Variants in RERE observed in about 807,000 individuals in gnomAD.
RERE encodes arginine-glutamic acid dipeptide repeats protein.
In RERE, 40 loss-of-function variants were observed where a neutral mutation model predicts 146.1. The ratio of observed to expected loss-of-function variants is 0.27; its 90% confidence interval spans 0.21 to 0.36. The LOEUF is 0.36. Ranked by LOEUF, RERE falls within the 10% of genes least tolerant of loss-of-function variation. The probability of loss-of-function intolerance (pLI) is 1.00; values close to 1 mark genes in which losing one functional copy is unlikely to be tolerated. For synonymous variants in RERE, 1,003 were observed against 866.0 expected (o/e 1.16, Z -2.78); for missense variants, 1,933 against 2,138.7 (o/e 0.90, Z 1.90).
At chr1:8,603,162 CA>C (rs1646654520) in intron 4 of RERE, among the ~76,000 whole-genome samples, 1 of 152,230 alleles carries the variant, frequency 6.6e-6, no homozygotes, top group South Asian at 2.1e-4. Flanking sequence ...ACATGTTTTA[CA>C]ACTTCATTAA....
In RERE at chr1:8,388,396, T is replaced by C. The variant is rs1021878885; in HGVS notation, c.1285-22422A>G. On this transcript the variant is annotated intron_variant, in intron 12 of 22. Transcript: ENST00000400908. ...CTGCAGTGGCGCAATCTCGGCTCAC[T>C]GCAAGCTCCGCTTCCCGGGTTCACG... is the stretch of plus-strand genomic sequence containing the variant. Among the ~76,000 whole-genome samples, 8 of 151,676 alleles carry C rather than the reference T, an allele frequency of 5.3e-5. No homozygotes were observed. In the East Asian group the frequency reaches 7.8e-4, roughly 15 times the overall value.
At chr1:8,735,293 C>T (rs1295396580) in intron 1 of RERE, among the ~76,000 whole-genome samples, 1 of 152,164 alleles carries the variant, frequency 6.6e-6, no homozygotes, top group Admixed American at 6.5e-5. Context: ...AGCATAAGTG[C>T]ACACAGTTTA....
intron 10 of RERE, among the ~76,000 whole-genome samples, chr1:8,494,434 T>C (rs191537176): frequency 2.0e-5 from 3 of 152,212 alleles, no homozygotes; most frequent in South Asian, 2.1e-4. Context: ...GTGATAATAA[T>C]AGAACCTAGA....
intron 4 of RERE, among the ~76,000 whole-genome samples, chr1:8,561,635 A>G (rs1398968489): frequency 3.3e-5 from 5 of 152,152 alleles, no homozygotes; most frequent in Non-Finnish European, 5.9e-5. Flanking sequence ...GAGAATCTCT[A>G]ATTTTTTCTC....
chr1:8,533,079 T>C (rs932929270), intron 7 of RERE, among the ~76,000 whole-genome samples: 4 of 152,240 alleles, frequency 2.6e-5, no homozygotes, highest in African/African-American at 7.2e-5. Flanking sequence ...AATTATCCAA[T>C]GCAAATTATA....
chr1:8,595,127 T>C (rs1246048588), intron 4 of RERE, among the ~76,000 whole-genome samples: 1 of 148,692 alleles, frequency 6.7e-6, no homozygotes, highest in Non-Finnish European at 1.5e-5. Context: ...CACCACTCAT[T>C]CCAGCCTAGG....
chr1:8,763,811 C>G (rs1053698075), intron 1 of RERE, among the ~76,000 whole-genome samples: 2 of 151,764 alleles, frequency 1.3e-5, no homozygotes, highest in Non-Finnish European at 2.9e-5. Flanking sequence ...TGGTGGCATG[C>G]GCACCTGTAG....
intron 7 of RERE, among the ~76,000 whole-genome samples, chr1:8,523,092 C>G (rs1645524970): frequency 6.6e-6 from 1 of 151,746 alleles, no homozygotes; most frequent in South Asian, 2.1e-4. Flanking sequence ...GCAGGAGAAT[C>G]ACCTTAGCCT....
intron 1 of RERE, among the ~76,000 whole-genome samples, chr1:8,695,859 A>G (rs116625426): frequency 0.028 from 4,229 of 152,268 alleles, 74 homozygotes; most frequent in Middle Eastern, 0.078. Context: ...CCCAGAATCT[A>G]TAAGGAACTT....
chr1:8,789,000 A>AG (rs1295840118), intron 1 of RERE, among the ~76,000 whole-genome samples: 1 of 151,860 alleles, frequency 6.6e-6, no homozygotes, highest in African/African-American at 2.4e-5. Context: ...GAAGCAAAGG[A>AG]GGGGGAGATA....
At chr1:8,718,052 T>C (rs1639795088) in intron 1 of RERE, among the ~76,000 whole-genome samples, 1 of 152,200 alleles carries the variant, frequency 6.6e-6, no homozygotes, top group Non-Finnish European at 1.5e-5. Flanking sequence ...TAAGAGTGGT[T>C]AACACACAAG....
chr1:8,538,437 T>G (rs1645754791), intron 7 of RERE, among the ~76,000 whole-genome samples: 1 of 152,200 alleles, frequency 6.6e-6, no homozygotes. Flanking sequence ...AACTGGGCTG[T>G]GCACAGCCAG....
chr1:8,407,023 A>T (rs1274535564), intron 12 of RERE, among the ~76,000 whole-genome samples: 1 of 152,224 alleles, frequency 6.6e-6, no homozygotes, highest in Non-Finnish European at 1.5e-5. Flanking sequence ...AGAACTGTTA[A>T]ATCAGTGGAA....
chr1:8,711,707 T>C (rs1204571027), intron 1 of RERE, among the ~76,000 whole-genome samples: 3 of 152,180 alleles, frequency 2.0e-5, no homozygotes, highest in African/African-American at 4.8e-5. Context: ...TGATGATATA[T>C]GATAAAATCA....
At chr1:8,637,745 T>G (rs1017453594) in intron 2 of RERE, among the ~76,000 whole-genome samples, 5 of 152,216 alleles carry the variant, frequency 3.3e-5, no homozygotes, top group Non-Finnish European at 5.9e-5. Flanking sequence ...CCAATTTCTC[T>G]TTTTTGTTGA....
At chr1:8,777,582 T>C (rs1557537092) in intron 1 of RERE, among the ~76,000 whole-genome samples, 1 of 150,238 alleles carries the variant, frequency 6.7e-6, no homozygotes, top group Admixed American at 6.7e-5. Context: ...TTGCCCAGGC[T>C]GGAGTGCAGT....
At chr1:8,636,631 G>A (rs1453385954) in intron 2 of RERE, among the ~76,000 whole-genome samples, 1 of 152,048 alleles carries the variant, frequency 6.6e-6, no homozygotes, top group Admixed American at 6.5e-5. Context: ...TGGCCTCTCA[G>A]AATAAAGACA....
intron 3 of RERE, among the ~76,000 whole-genome samples, chr1:8,622,511 A>AC (rs1646929197): frequency 3.6e-5 from 1 of 27,884 alleles, no homozygotes; most frequent in Non-Finnish European, 8.5e-5. Context: ...AAAAAAAAAA[A>AC]CACACTTTGG....
At chr1:8,624,940 TA>T (rs1646956968) in intron 2 of RERE, among the ~76,000 whole-genome samples, 1 of 152,234 alleles carries the variant, frequency 6.6e-6, no homozygotes, top group Non-Finnish European at 1.5e-5. Flanking sequence ...CATTACATTG[TA>T]CCCTAAACAC....
Sources: gnomAD v4.1 joint callset for allele counts (sites outside exome capture counted in the v4.1 genomes callset) on GRCh38, gnomAD v4.1.1 for gene constraint, MANE v1.5 for transcripts, NCBI Gene and HGNC (gene_info 2026-07-23, HGNC 2026-07-21) for gene names.